Variants in GOLGA1 observed in about 807,000 individuals in gnomAD.
GOLGA1 encodes the protein golgin A1.
Under a neutral mutation model 119.7 loss-of-function variants are expected in GOLGA1, and 63 were observed. That is an observed-to-expected ratio of 0.53 (90% CI 0.43 to 0.65). The LOEUF is 0.65. Among genes scored for constraint, GOLGA1 ranks in the 30% least tolerant of loss-of-function variants. GOLGA1 has a pLI of 0.00. For missense variants in GOLGA1, 798 were observed against 912.8 expected (o/e 0.87, Z 1.62); for synonymous variants, 318 against 333.4 (o/e 0.95, Z 0.50).
chr9:124,941,338 C>T (rs1831018000), upstream of GOLGA1, among the ~76,000 whole-genome samples: 1 of 152,230 alleles, frequency 6.6e-6, no homozygotes, highest in Non-Finnish European at 1.5e-5. Context: ...TTAACAGGGG[C>T]GCGTGCAGAG....
chr9:124,909,593 A>C (rs1466446925), intron 11 of GOLGA1, among the ~76,000 whole-genome samples: 2 of 137,698 alleles, frequency 1.5e-5, no homozygotes, highest in African/African-American at 5.5e-5. Context: ...TGGGCAACAG[A>C]GTGAGACTCC....
Position 124,931,519 on chromosome 9 carries a change from T to C in GOLGA1, c.136-113A>G, listed in dbSNP as rs1830771431. On this transcript the variant is annotated intron_variant, in intron 3 of 22. Transcript: ENST00000373555. Reference sequence around the variant, plus strand: ...TTGGTTACACTTTAATTAATTGTAATCACTGAAAAGCTGGGCCTAGTTTCT... The same window carrying C: ...TTGGTTACACTTTAATTAATTGTAACCACTGAAAAGCTGGGCCTAGTTTCT... The C allele has an allele frequency of 4.6e-6, 3 of 656,620 alleles. No homozygotes were observed. The South Asian group carries it at 4.9e-5, about 11-fold the overall frequency. 40.7% of individuals were successfully genotyped at this position (656,620 alleles called of 1,614,324 possible).
At chr9:124,902,616 A>T (rs1311559120) in intron 12 of GOLGA1, among the ~76,000 whole-genome samples, 3 of 151,616 alleles carry the variant, frequency 2.0e-5, no homozygotes, top group African/African-American at 7.3e-5. Flanking sequence ...CAGCCTCCTG[A>T]GTAGCTGGGA....
intron 3 of GOLGA1, among the ~76,000 whole-genome samples, chr9:124,933,245 T>C (rs1185735050): frequency 1.3e-5 from 2 of 152,302 alleles, no homozygotes; most frequent in Admixed American, 1.3e-4. Context: ...GGCCTCAGAC[T>C]GTTATCCTTA....
At chr9:124,890,013 C>A (rs1459184398) in intron 16 of GOLGA1, among the ~76,000 whole-genome samples, 1 of 152,188 alleles carries the variant, frequency 6.6e-6, no homozygotes, top group Non-Finnish European at 1.5e-5. Flanking sequence ...GCAAAGTCTA[C>A]CTTCAAGGGA....
chr9:124,891,463 A>T (rs1829852600), intron 15 of GOLGA1, among the ~76,000 whole-genome samples: 1 of 152,218 alleles, frequency 6.6e-6, no homozygotes, highest in Non-Finnish European at 1.5e-5. Flanking sequence ...AAAGAGACAA[A>T]TCTACCATCG....
Position 124,880,562 on chromosome 9 carries a change from A to ACGGC in GOLGA1, c.2268_2271dup (p.Ser758AlafsTer24). The ACGGC allele has an allele frequency of 6.2e-7, 1 of 1,610,398 alleles. No individual in the cohort carries two copies. Among genetic ancestry groups the ACGGC allele is most frequent in the Non-Finnish European group, 8.5e-7 (1 of 1,176,786 alleles). On this transcript the variant is annotated frameshift_variant, in exon 23 of 23. Transcript: ENST00000373555. LOFTEE classifies it high-confidence loss of function. ...CATGGTATCCGAGGGTTTGAGATAG[A>ACGGC]CGGCCGGATGCTGCCCTTGGGAGCT...
At chr9:124,904,478 A>G (rs1337887370) in intron 12 of GOLGA1, among the ~76,000 whole-genome samples, 3 of 152,246 alleles carry the variant, frequency 2.0e-5, no homozygotes, top group African/African-American at 7.2e-5. Context: ...AGGAAATAAG[A>G]AAGATTTTAA....
chr9:124,912,031 A>T lies in GOLGA1; in HGVS notation c.844-5T>A, dbSNP rs1830351240. 1 of 1,612,212 alleles carries T rather than the reference A, an allele frequency of 6.2e-7. No homozygotes were observed. Reference sequence around the variant, plus strand: ...CTCTTGAGTTTCAGCAGTGACCTGCAGGTGAAAGCAGAGATCACTCTATAC... The same window carrying T: ...CTCTTGAGTTTCAGCAGTGACCTGCTGGTGAAAGCAGAGATCACTCTATAC... On this transcript the variant is annotated splice_polypyrimidine_tract_variant and splice_region_variant and intron_variant, in intron 10 of 22. Coordinates refer to ENST00000373555, the MANE Select transcript of GOLGA1 (RefSeq NM_002077.4).
intron 16 of GOLGA1, among the ~76,000 whole-genome samples, chr9:124,889,985 G>C (rs1229766542): frequency 6.6e-6 from 1 of 152,194 alleles, no homozygotes; most frequent in Non-Finnish European, 1.5e-5. Flanking sequence ...CACTTAACTA[G>C]AAGCTCTGGG....
intron 15 of GOLGA1, among the ~76,000 whole-genome samples, chr9:124,892,048 G>A (rs189569439): frequency 6.6e-6 from 1 of 151,390 alleles, no homozygotes; most frequent in African/African-American, 2.4e-5. Flanking sequence ...TCTGACTCCC[G>A]GGTTCAAACA....
chr9:124,938,266 A>G (rs1830919374), intron 3 of GOLGA1, among the ~76,000 whole-genome samples: 1 of 152,184 alleles, frequency 6.6e-6, no homozygotes, highest in Non-Finnish European at 1.5e-5. Flanking sequence ...CAATGAAAAC[A>G]GGCCCAGACA....
rs1366270463 is a variant in GOLGA1 at position 124,888,482 on chromosome 9, G to A, written c.1762-86C>T. The A allele has an allele frequency of 1.4e-5, 17 of 1,221,610 alleles. No homozygotes were observed. Among genetic ancestry groups the A allele is most frequent in the Admixed American group, 1.8e-5 (1 of 54,624 alleles). The allele number at this position is 1,221,610 out of a possible 1,614,324, so 75.7% of individuals were successfully genotyped here. On this transcript the variant is annotated intron_variant, in intron 18 of 22. Transcript: ENST00000373555. The surrounding 1 kb of genome is among the most constrained non-coding windows in gnomAD (Gnocchi z 4.4). ...TACACAGGGAAGGGGAGCTAGACTCGTCCCTTAGGTATGGGCGTTGTGCTC... is the reference window on the plus strand; with the variant it reads ...TACACAGGGAAGGGGAGCTAGACTCATCCCTTAGGTATGGGCGTTGTGCTC...
chr9:124,920,901 G>A (rs1313368530), intron 10 of GOLGA1, among the ~76,000 whole-genome samples: 2 of 151,292 alleles, frequency 1.3e-5, no homozygotes, highest in African/African-American at 2.4e-5. Flanking sequence ...ACCAAATGGT[G>A]TACTTTGAGA....
rs1829508609 is a variant in GOLGA1 at position 124,878,929 on chromosome 9, A to G, written c.*1601T>C. The G allele has an allele frequency of 6.6e-6, 1 of 152,216 alleles. No homozygotes were observed. The highest frequency in any genetic ancestry group is 2.1e-4 in the South Asian group (1 of 4,830). The allele number at this position is 152,216 out of a possible 1,614,324, so 9.4% of individuals were successfully genotyped here. ...CCTGTTTCGTGTTCCCACCAGGTAAATGGAAATTCGTGTTCTAAACAAGGG... is the reference window on the plus strand; with the variant it reads ...CCTGTTTCGTGTTCCCACCAGGTAAGTGGAAATTCGTGTTCTAAACAAGGG... On this transcript the variant is annotated 3_prime_UTR_variant, in exon 23 of 23. Coordinates refer to ENST00000373555, the MANE Select transcript of GOLGA1 (RefSeq NM_002077.4).
intron 19 of GOLGA1, among the ~76,000 whole-genome samples, chr9:124,887,756 G>A (rs1829756526): frequency 6.6e-6 from 1 of 152,154 alleles, no homozygotes; most frequent in South Asian, 2.1e-4. Context: ...TAGGTGGAAA[G>A]GCTGGAGGGT....
chr9:124,938,032 A>C (rs1444255750), intron 3 of GOLGA1, among the ~76,000 whole-genome samples: 1 of 150,792 alleles, frequency 6.6e-6, no homozygotes, highest in African/African-American at 2.4e-5. Context: ...GTGGTGAACC[A>C]AGATCAGGCC....
rs1440965690 is a variant in GOLGA1 at position 124,908,408 on chromosome 9, T to C, written c.1034A>G (p.Gln345Arg). ...CTCCAGGGTGTTAATGGCCTTAGCCTGGCTGCTTCTGGCTGCCAAGAGCTG... is the reference window on the plus strand; with the variant it reads ...CTCCAGGGTGTTAATGGCCTTAGCCCGGCTGCTTCTGGCTGCCAAGAGCTG... Reference protein sequence around the residue: ...RQQLLAARSSQAKAINTLETR... With the variant: ...RQQLLAARSSRAKAINTLETR... The change falls in exon 12 of 23, where the codon CAG (glutamine) becomes CGG (arginine). Residue 345 changes from glutamine to arginine, a missense_variant. Coordinates refer to ENST00000373555, the MANE Select transcript of GOLGA1 (RefSeq NM_002077.4). 4.3e-6 allele frequency: 7 copies of C among 1,609,604 alleles called. No individual in the cohort carries two copies. The highest frequency in any genetic ancestry group is 6.0e-6 in the Non-Finnish European group (7 of 1,175,914).
chr9:124,938,634 T>C lies in GOLGA1; in HGVS notation c.78A>G (p.Pro26=). 3.1e-6 allele frequency: 5 copies of C among 1,613,458 alleles called. No homozygotes were observed. Among genetic ancestry groups the C allele is most frequent in the Non-Finnish European group, 4.2e-6 (5 of 1,179,378 alleles). ...CAACTGATTCCTTGCTCACAGACCG[T>C]GGGATCCTAGTAGCACCTCCTGGCC... ...AQRPGGATRI[P]RSVSKESVAS... Residue 26 remains proline, a synonymous_variant, in exon 3 of 23, where the codon CCA becomes CCG. Coordinates refer to ENST00000373555, the MANE Select transcript of GOLGA1 (RefSeq NM_002077.4).
Sources: allele counts gnomAD v4.1 joint callset (sites outside exome capture counted in the v4.1 genomes callset), GRCh38; gene constraint gnomAD v4.1.1; non-coding constraint Gnocchi (gnomAD v3.1); transcripts MANE v1.5; gene names NCBI Gene and HGNC (gene_info 2026-07-23, HGNC 2026-07-21).